Variants in BICRA observed in about 807,000 individuals in gnomAD.
The protein encoded by BICRA is BRD4-interacting chromatin-remodeling complex-associated protein.
In BICRA, 31 loss-of-function variants were observed where a neutral mutation model predicts 96.9. That is an observed-to-expected ratio of 0.32 (90% confidence interval 0.24 to 0.43). BICRA has a LOEUF of 0.43. Among genes scored for constraint, BICRA ranks in the 20% least tolerant of loss-of-function variants. BICRA has a pLI of 1.00. For synonymous variants in BICRA, 1,350 were observed against 1,071.8 expected (o/e 1.26, Z -5.07); for missense variants, 2,283 against 2,190.3 (o/e 1.04, Z -0.84).
chr19:47,673,627 G>C lies in BICRA; in HGVS notation c.41+12G>C, dbSNP rs772315357. 111 of 1,602,406 alleles carry C rather than the reference G, an allele frequency of 6.9e-5. No individual in the cohort carries two copies. Among genetic ancestry groups the C allele is most frequent in the Non-Finnish European group, 1.4e-5 (16 of 1,169,638 alleles). On this transcript the variant is annotated intron_variant, in intron 3 of 14. Transcript: ENST00000594866. Reference sequence around the variant, plus strand: ...CTAGACGTGATTTGGTGAGTAACGGGCTCCCCACCCCCTGCCCTCTGTCTC... The same window carrying C: ...CTAGACGTGATTTGGTGAGTAACGGCCTCCCCACCCCCTGCCCTCTGTCTC...
At position 47,679,620 on chromosome 19, in the gene BICRA, G is replaced by C. The variant is rs1035900262; in HGVS notation, c.450G>C (p.Ala150=). The C allele has an allele frequency of 6.6e-7, 1 of 1,517,712 alleles. No individual in the cohort carries two copies. The highest frequency in any genetic ancestry group is 1.4e-5 in the African/African-American group (1 of 72,046). The allele number at this position is 1,517,712 out of a possible 1,614,324, so 94.0% of individuals were successfully genotyped here. A position where few individuals can be genotyped will look rare whatever the true frequency, so the allele number is the denominator to read the frequency against. ...GAGPTGAGGA[A]AVAAGPQALF... ...GCCCGACGGGCGCTGGAGGGGCAGC[G>C]GCCGTGGCTGCGGGGCCCCAAGCCC... The change falls in exon 6 of 15, where the codon GCG becomes GCC. Residue 150 remains alanine, a synonymous_variant. Coordinates refer to ENST00000594866, the MANE Select transcript of BICRA (RefSeq NM_001394372.1).
rs568671508 is a variant in BICRA, at chr19:47,663,108, GGCCGGC to G, written c.-107-7332_-107-7327del. Reference sequence around the variant, plus strand: ...TGAAGAGTTATGAAGAGTACAGTCAGGCCGGCGCGATGGCTCACGCCTGAAATCCCA... The same window carrying G: ...TGAAGAGTTATGAAGAGTACAGTCAGGCGATGGCTCACGCCTGAAATCCCA... On this transcript the variant is annotated intron_variant, in intron 1 of 14. Transcript: ENST00000594866. 339 of 152,440 alleles carry G rather than the reference GGCCGGC, an allele frequency of 2.2e-3. 3 individuals carry two copies. Among genetic ancestry groups the G allele is most frequent in the Non-Finnish European group, 3.9e-3 (264 of 68,104 alleles). 9.4% of individuals were successfully genotyped at this position (152,440 alleles called of 1,614,324 possible).
At chr19:47,695,636 G>A (rs1568577974) in intron 10 of BICRA, among the ~76,000 whole-genome samples, 162 bp downstream of exon 10, 1 of 152,100 alleles carries the variant, frequency 6.6e-6, no homozygotes, top group Admixed American at 6.6e-5. Context: ...GGACAGGAAG[G>A]GCAGAATGAC....
At chr19:47,652,663 T>G (rs983379423) in intron 1 of BICRA, among the ~76,000 whole-genome samples, 1 of 152,248 alleles carries the variant, frequency 6.6e-6, no homozygotes, top group African/African-American at 2.4e-5. Flanking sequence ...CACTGATGGC[T>G]TAAATACTCT....
At chr19:47,631,586 A>G (rs1310504443) in intron 1 of BICRA, among the ~76,000 whole-genome samples, 1 of 152,062 alleles carries the variant, frequency 6.6e-6, no homozygotes, top group Non-Finnish European at 1.5e-5. Flanking sequence ...GTTGGTCTCA[A>G]ACTCCTGGCC....
rs1455544212 is a variant in BICRA at position 47,699,256 on chromosome 19, C to CCCCTTCT, written c.3493-46_3493-40dup. The CCCCTTCT allele has an allele frequency of 8.9e-7, 1 of 1,127,222 alleles. No homozygotes were observed. The highest frequency in any genetic ancestry group is 1.3e-6 in the Non-Finnish European group (1 of 759,398). 69.8% of individuals were successfully genotyped at this position (1,127,222 alleles called of 1,614,324 possible). A position where few individuals can be genotyped will look rare whatever the true frequency, so the allele number is the denominator to read the frequency against. On this transcript the variant is annotated intron_variant, in intron 13 of 14. Transcript: ENST00000594866. This position sits in a 1 kb window ranked among gnomAD's most constrained non-coding sequence, Gnocchi z 5.0. ...TCGTCCCCGTCGCTCGCGCCCCTTCCCCCTTCTTGCTGGTTCACTCGCACG... is the reference window on the plus strand; with the variant it reads ...TCGTCCCCGTCGCTCGCGCCCCTTCCCCCTTCTCCCTTCTTGCTGGTTCACTCGCACG...
At chr19:47,688,305 T>A (rs1599858996) in intron 7 of BICRA, among the ~76,000 whole-genome samples, 1 of 152,078 alleles carries the variant, frequency 6.6e-6, no homozygotes, top group East Asian at 1.9e-4. Flanking sequence ...AATCTCTTGG[T>A]GAACAATCCA....
chr19:47,619,431 G>T (rs892920151), intron 1 of BICRA, among the ~76,000 whole-genome samples: 2 of 151,812 alleles, frequency 1.3e-5, no homozygotes, highest in Non-Finnish European at 1.5e-5. Context: ...GTTAGTTTTT[G>T]TATTTTTAGT....
At position 47,683,677 on chromosome 19, in the gene BICRA, C is replaced by T. The variant is rs189213955; in HGVS notation, c.2283+1525C>T. Reference sequence around the variant, plus strand: ...TCTGCTCACTGCAAGCTCCGCCTCTCGGGTTCACGCCATTCTCCTGCCTCA... The same window carrying T: ...TCTGCTCACTGCAAGCTCCGCCTCTTGGGTTCACGCCATTCTCCTGCCTCA... On this transcript the variant is annotated intron_variant, in intron 7 of 14. Transcript: ENST00000594866. Among the ~76,000 whole-genome samples, 1,333 of 151,772 alleles carry T rather than the reference C, an allele frequency of 8.8e-3. 9 individuals carry two copies. Among genetic ancestry groups the T allele is most frequent in the African/African-American group, 0.019 (790 of 41,356 alleles).
intron 1 of BICRA, among the ~76,000 whole-genome samples, chr19:47,625,297 CCTT>C (rs1057043211): frequency 3.6e-5 from 5 of 138,852 alleles, no homozygotes; most frequent in Non-Finnish European, 8.0e-5. Context: ...ACCAACCTGG[CCTT>C]TTTTTTTTTT....
chr19:47,678,449 G>A (rs956971162), intron 5 of BICRA, among the ~76,000 whole-genome samples: 1 of 152,052 alleles, frequency 6.6e-6, no homozygotes, highest in African/African-American at 2.4e-5. Flanking sequence ...AGCTGGTAGA[G>A]ATTGGGGGAC....
rs772439489 is a variant in BICRA at position 47,701,677 on chromosome 19, A to G, written c.3945A>G (p.Glu1315=). 5 of 1,603,698 alleles carry G rather than the reference A, an allele frequency of 3.1e-6. No homozygotes were observed. In the Admixed American group the frequency reaches 8.5e-5, roughly 27 times the overall value. The part of the protein sequence containing the change: ...RIGLKLKIKQ[E]AGLSKVVHNT... ...GGCTCAAGCTCAAGATCAAGCAGGA[A>G]GCCGGGCTCAGCAAGGTCGTGCACA... The change falls in exon 15 of 15, where the codon GAA becomes GAG. Residue 1315 remains glutamate (E), a synonymous_variant. Coordinates refer to ENST00000594866, the MANE Select transcript of BICRA (RefSeq NM_001394372.1). The surrounding 1 kb of genome is among the most constrained non-coding windows in gnomAD (Gnocchi z 5.4).
chr19:47,693,067 C>A (rs1973264609), intron 7 of BICRA, among the ~76,000 whole-genome samples: 1 of 152,226 alleles, frequency 6.6e-6, no homozygotes, highest in South Asian at 2.1e-4. Flanking sequence ...AGAGATCACA[C>A]AAATGGATGC....
At chr19:47,628,829 A>G (rs559106029) in intron 1 of BICRA, among the ~76,000 whole-genome samples, 2 of 152,126 alleles carry the variant, frequency 1.3e-5, no homozygotes, top group East Asian at 3.9e-4. Context: ...GCTGGTCTCA[A>G]ACTCCTGGGC....
At chr19:47,622,837 A>G (rs536442116) in intron 1 of BICRA, among the ~76,000 whole-genome samples, 2 of 152,132 alleles carry the variant, frequency 1.3e-5, no homozygotes, top group African/African-American at 2.4e-5. Context: ...CAGGAGTTCA[A>G]GACCAGCCTG....
Position 47,679,897 on chromosome 19 carries a change from A to G in BICRA, c.727A>G (p.Met243Val). ...APIQVVGQPV[M>V]ALNTPTSQLL... ...CATCCAGGTGGTGGGCCAGCCCGTC[A>G]TGGCGCTCAACACGCCCACCTCCCA... Residue 243 changes from methionine to valine, a missense_variant, in exon 6 of 15, where the codon ATG becomes GTG. Coordinates refer to ENST00000594866, the MANE Select transcript of BICRA (RefSeq NM_001394372.1). 1 of 1,521,724 alleles carries G rather than the reference A, an allele frequency of 6.6e-7. No individual in the cohort carries two copies. Among genetic ancestry groups the G allele is most frequent in the Non-Finnish European group, 8.8e-7 (1 of 1,141,140 alleles). The allele number at this position is 1,521,724 out of a possible 1,614,324, so 94.3% of individuals were successfully genotyped here.
chr19:47,653,973 C>G (rs1054325809), intron 1 of BICRA, among the ~76,000 whole-genome samples: 4 of 152,080 alleles, frequency 2.6e-5, no homozygotes, highest in Admixed American at 2.0e-4. Context: ...GCTGGTATTA[C>G]AAGCGTGAGC....
intron 1 of BICRA, among the ~76,000 whole-genome samples, chr19:47,653,894 G>A (rs962848998): frequency 1.3e-5 from 2 of 151,910 alleles, no homozygotes; most frequent in Non-Finnish European, 2.9e-5. Flanking sequence ...GTGCAGTGGC[G>A]CAATCTCAGC....
At chr19:47,670,975 T>A (rs894065480) in intron 2 of BICRA, among the ~76,000 whole-genome samples, 1 of 151,866 alleles carries the variant, frequency 6.6e-6, no homozygotes, top group Non-Finnish European at 1.5e-5. Flanking sequence ...CCGGGGACAC[T>A]CCCCACAGCC....
Sources: allele counts gnomAD v4.1 joint callset (sites outside exome capture counted in the v4.1 genomes callset), GRCh38; gene constraint gnomAD v4.1.1; non-coding constraint Gnocchi (gnomAD v3.1); transcripts MANE v1.5; gene names NCBI Gene and HGNC (gene_info 2026-07-23, HGNC 2026-07-21).